The following CACNA1C variants were observed in gnomAD, a reference collection of about 807,000 sequenced individuals.
CACNA1C encodes the protein calcium voltage-gated channel subunit alpha1 C, also known as voltage-dependent L-type calcium channel subunit alpha-1C.
CACNA1C carries 30 observed loss-of-function variants against 229.0 expected under a neutral mutation model. The ratio of observed to expected loss-of-function variants is 0.13; its 90% confidence interval spans 0.10 to 0.18. The LOEUF (loss-of-function observed/expected upper bound fraction) is 0.18. Among genes scored for constraint, CACNA1C ranks in the 10% least tolerant of loss-of-function variants. The pLI is 1.00. For missense variants in CACNA1C, 1,658 were observed against 2,845.0 expected (o/e 0.58, Z 9.49); for synonymous variants, 1,114 against 1,132.5 (o/e 0.98, Z 0.33).
chr12:2,353,572 G>A (rs1307517512), intron 3 of CACNA1C, among the ~76,000 whole-genome samples: 1 of 152,196 alleles, frequency 6.6e-6, no homozygotes, highest in Non-Finnish European at 1.5e-5. Context: ...GTCAAGGTCC[G>A]AAGGGCCCCA....
intron 29 of CACNA1C, among the ~76,000 whole-genome samples, chr12:2,619,884 G>C (rs973085080): frequency 6.6e-6 from 1 of 152,064 alleles, no homozygotes; most frequent in African/African-American, 2.4e-5. Flanking sequence ...ACACTTGCCT[G>C]GGGCGACTTT....
intron 3 of CACNA1C, among the ~76,000 whole-genome samples, chr12:2,350,782 A>G (rs1196463706): frequency 6.6e-6 from 1 of 151,812 alleles, no homozygotes; most frequent in East Asian, 1.9e-4. Context: ...TTTCGCAGGC[A>G]CCTCCCCATG....
chr12:2,688,061 C>T (rs759238261), intron 45 of CACNA1C, among the ~76,000 whole-genome samples: 4 of 152,316 alleles, frequency 2.6e-5, no homozygotes, highest in African/African-American at 4.8e-5. Context: ...AGACAGCATT[C>T]GTTTTCTGGC....
chr12:2,264,525 C>G (rs180697368), intron 3 of CACNA1C, among the ~76,000 whole-genome samples: 2 of 152,354 alleles, frequency 1.3e-5, no homozygotes, highest in Admixed American at 6.5e-5. Flanking sequence ...AATCACTTAA[C>G]CCTTGCAATC....
At chr12:2,006,676 A>G (rs965642802) in intron 1 of CACNA1C, among the ~76,000 whole-genome samples, 2 of 152,196 alleles carry the variant, frequency 1.3e-5, no homozygotes, top group African/African-American at 4.8e-5. Flanking sequence ...ATTCTTGGTT[A>G]AGCTGCATTT....
In CACNA1C at chr12:2,277,380, C is replaced by G. The variant is rs866373596; in HGVS notation, c.477+156950C>G. On this transcript the variant is annotated intron_variant, in intron 3 of 46. Transcript: ENST00000399655. ...ACAGACAGACACACACACACACACA[C>G]ACACACACACACACACACACACACA... Among the ~76,000 whole-genome samples, 759 of 119,818 alleles carry G rather than the reference C, an allele frequency of 6.3e-3. 4 individuals carry two copies. The highest frequency in any genetic ancestry group is 0.02 in the African/African-American group (644 of 31,732). 78.6% of individuals were successfully genotyped at this position (119,818 alleles called of 152,430 possible).
intron 3 of CACNA1C, among the ~76,000 whole-genome samples, chr12:2,207,126 C>G (rs949362535): frequency 2.0e-5 from 3 of 152,160 alleles, no homozygotes; most frequent in Non-Finnish European, 4.4e-5. Flanking sequence ...GAGCATCTTT[C>G]CCTTCCCAAG....
intron 1 of CACNA1C, among the ~76,000 whole-genome samples, chr12:2,006,146 C>A (rs2429125): frequency 0.54 from 82,444 of 151,866 alleles, 22,812 homozygotes; most frequent in African/African-American, 0.65. Flanking sequence ...GCGGTGGCTC[C>A]TGCCTGTAAT....
intron 1 of CACNA1C, among the ~76,000 whole-genome samples, chr12:2,019,593 AAG>A (rs754993263): frequency 4.8e-4 from 67 of 139,606 alleles, no homozygotes; most frequent in African/African-American, 7.4e-4. Context: ...GAGAGAAAGA[AAG>A]AGAAGGAAAG....
chr12:2,355,848 A>G (rs1297020139), intron 3 of CACNA1C, among the ~76,000 whole-genome samples: 1 of 152,062 alleles, frequency 6.6e-6, no homozygotes, highest in Non-Finnish European at 1.5e-5. Flanking sequence ...CACCCCAGAG[A>G]ATGATCCAGC....
At chr12:2,349,976 T>C (rs1164741733) in intron 3 of CACNA1C, among the ~76,000 whole-genome samples, 1 of 151,486 alleles carries the variant, frequency 6.6e-6, no homozygotes, top group Non-Finnish European at 1.5e-5. Flanking sequence ...GAGAAAGAAA[T>C]GGAGCCAGGA....
chr12:2,343,069 G>A (rs1255242916), intron 3 of CACNA1C, among the ~76,000 whole-genome samples: 1 of 152,240 alleles, frequency 6.6e-6, no homozygotes, highest in Non-Finnish European at 1.5e-5. Flanking sequence ...TCAGCAACCT[G>A]CCAAAGATAC....
intron 1 of CACNA1C, among the ~76,000 whole-genome samples, chr12:2,077,780 T>C (rs543136264): frequency 6.6e-6 from 1 of 152,314 alleles, no homozygotes; most frequent in South Asian, 2.1e-4. Context: ...AAACTCTGTT[T>C]ACTGCTTTGG....
chr12:2,610,669 C>T lies in CACNA1C; in HGVS notation c.3687C>T (p.Ile1229=). ...TCGAGTACCTGATGTTCGTCCTCAT[C>T]CTGCTCAACACCATCTGCCTGGCCA... ...TYFEYLMFVL[I]LLNTICLAMQ... is the part of the protein sequence containing the mutation. Residue 1229 remains isoleucine (I), a synonymous_variant, in exon 28 of 47, where the codon ATC becomes ATT. Transcript: ENST00000399655. 6.2e-7 allele frequency: 1 copy of T among 1,614,248 alleles called. No individual in the cohort carries two copies. Among genetic ancestry groups the T allele is most frequent in the Non-Finnish European group, 8.5e-7 (1 of 1,180,052 alleles).
At chr12:2,404,737 A>T (rs1315731718) in intron 3 of CACNA1C, among the ~76,000 whole-genome samples, 1 of 152,158 alleles carries the variant, frequency 6.6e-6, no homozygotes, top group Non-Finnish European at 1.5e-5. Context: ...ACTTGTTCAC[A>T]TGGGAAGAAA....
chr12:2,403,505 T>C lies in CACNA1C; in HGVS notation c.478-45471T>C, dbSNP rs2098702347. ...AGCTCTGCAAGGCCCGGAGCTGCCA[T>C]CCCAAGGCTGCTTTTCCTTTCCTTT... On this transcript the variant is annotated intron_variant, in intron 3 of 46. Coordinates refer to ENST00000399655, the MANE Select transcript of CACNA1C (RefSeq NM_000719.7). This position sits in a 1 kb window ranked among gnomAD's most constrained non-coding sequence, Gnocchi z 4.1. 1.3e-5 allele frequency among the ~76,000 whole-genome samples: 2 copies of C among 152,216 alleles called. No individual in the cohort carries two copies. The highest frequency in any genetic ancestry group is 2.9e-5 in the Non-Finnish European group (2 of 68,034).
intron 3 of CACNA1C, among the ~76,000 whole-genome samples, chr12:2,153,245 A>AACACTC (rs1223379967): frequency 6.6e-6 from 1 of 152,208 alleles, no homozygotes; most frequent in Non-Finnish European, 1.5e-5. Flanking sequence ...AATGAAAGAC[A>AACACTC]ACACTCAAGA....
At chr12:2,045,121 A>C (rs150027480) in intron 1 of CACNA1C, among the ~76,000 whole-genome samples, 10 of 152,300 alleles carry the variant, frequency 6.6e-5, no homozygotes, top group African/African-American at 2.2e-4. Context: ...GAATAGAATG[A>C]GGGTTGATGG....
chr12:2,671,084 G>A (rs1434546746), intron 38 of CACNA1C, among the ~76,000 whole-genome samples: 3 of 150,832 alleles, frequency 2.0e-5, no homozygotes, highest in Non-Finnish European at 2.9e-5. Flanking sequence ...GCACAATCTC[G>A]GCCTGCTGCA....
Sources: allele counts gnomAD v4.1 joint callset (sites outside exome capture counted in the v4.1 genomes callset), GRCh38; gene constraint gnomAD v4.1.1; non-coding constraint Gnocchi (gnomAD v3.1); transcripts MANE v1.5; gene names NCBI Gene and HGNC (gene_info 2026-07-23, HGNC 2026-07-21).